Variants in DOK6 observed in about 807,000 individuals in gnomAD.
DOK6 encodes docking protein 6.
A neutral mutation model predicts 44.0 loss-of-function variants in DOK6; 22 were observed. The observed-to-expected ratio is 0.50, with a 90% CI of 0.36 to 0.71. The LOEUF is 0.71. Ranked by LOEUF, DOK6 falls within the 30% of genes least tolerant of loss-of-function variation. DOK6 has a pLI of 0.00. For missense variants in DOK6, 340 were observed against 416.4 expected, an observed-to-expected ratio of 0.82 and a Z score of 1.60; for synonymous variants, 166 against 145.5, an observed-to-expected ratio of 1.14 and a Z score of -1.01.
At chr18:69,543,815 CA>C (rs1982330683) in intron 1 of DOK6, among the ~76,000 whole-genome samples, 1 of 151,048 alleles carries the variant, frequency 6.6e-6, no homozygotes, top group African/African-American at 2.4e-5. Flanking sequence ...CAACAAAGAA[CA>C]AATGATAAGG....
intron 6 of DOK6, among the ~76,000 whole-genome samples, chr18:69,742,737 A>C (rs987805227): frequency 6.6e-6 from 1 of 152,242 alleles, no homozygotes; most frequent in East Asian, 1.9e-4. Flanking sequence ...TGTGGGATCA[A>C]ATAATTTGTA....
chr18:69,636,931 T>C (rs2144651060), intron 3 of DOK6, among the ~76,000 whole-genome samples: 1 of 152,298 alleles, frequency 6.6e-6, no homozygotes, highest in South Asian at 2.1e-4. Flanking sequence ...GTAAATGAGG[T>C]GAGTTGACTT....
At chr18:69,513,023 AT>A (rs1380445029) in intron 1 of DOK6, among the ~76,000 whole-genome samples, 1 of 152,182 alleles carries the variant, frequency 6.6e-6, no homozygotes, top group Non-Finnish European at 1.5e-5. Context: ...CAATTAGCTG[AT>A]TTTATTAAAT....
intron 2 of DOK6, among the ~76,000 whole-genome samples, chr18:69,578,104 A>G (rs941717874): frequency 8.5e-5 from 13 of 152,218 alleles, no homozygotes; most frequent in Admixed American, 7.2e-4. Context: ...AAAAAGAAAA[A>G]TACCTGTATC....
chr18:69,689,959 G>A (rs919128641), intron 4 of DOK6, among the ~76,000 whole-genome samples: 1 of 151,978 alleles, frequency 6.6e-6, no homozygotes, highest in African/African-American at 2.4e-5. Flanking sequence ...GAATATATAG[G>A]TTAAATACTT....
chr18:69,659,593 T>C (rs1414815842), intron 3 of DOK6, among the ~76,000 whole-genome samples: 1 of 152,064 alleles, frequency 6.6e-6, no homozygotes, highest in Non-Finnish European at 1.5e-5. Context: ...GGTCGTTAAA[T>C]GCAGTAACTG....
intron 7 of DOK6, among the ~76,000 whole-genome samples, chr18:69,822,976 C>G (rs568198694): frequency 1.8e-4 from 28 of 152,180 alleles, no homozygotes; most frequent in African/African-American, 6.7e-4. Flanking sequence ...ATTGTCATTT[C>G]CCCATGTCAG....
intron 3 of DOK6, among the ~76,000 whole-genome samples, chr18:69,646,428 A>G (rs2144658569): frequency 6.6e-6 from 1 of 152,256 alleles, no homozygotes; most frequent in African/African-American, 2.4e-5. Flanking sequence ...TATTTTAGGG[A>G]AAAAAATTAC....
chr18:69,434,728 T>C (rs947955684), intron 1 of DOK6, among the ~76,000 whole-genome samples: 43 of 146,004 alleles, frequency 2.9e-4, no homozygotes, highest in Non-Finnish European at 5.3e-4. Context: ...TCGAGACCAT[T>C]CTGGCCGACA....
At chr18:69,821,992 T>C (rs1392227018) in intron 7 of DOK6, among the ~76,000 whole-genome samples, 1 of 152,098 alleles carries the variant, frequency 6.6e-6, no homozygotes, top group African/African-American at 2.4e-5. Flanking sequence ...AATTTTCTTT[T>C]CTCTAGTGAA....
chr18:69,605,586 GGTA>G (rs1401023069), intron 3 of DOK6, among the ~76,000 whole-genome samples: 2 of 151,880 alleles, frequency 1.3e-5, no homozygotes. Context: ...AACAATAAAA[GGTA>G]GTATAATTTT....
chr18:69,475,279 A>C (rs1599148560), intron 1 of DOK6, among the ~76,000 whole-genome samples: 1 of 152,200 alleles, frequency 6.6e-6, no homozygotes, highest in African/African-American at 2.4e-5. Context: ...AAAAGTATTG[A>C]TCTTATCAGG....
intron 7 of DOK6, among the ~76,000 whole-genome samples, chr18:69,788,908 G>T (rs7505462): frequency 0.19 from 29,053 of 152,000 alleles, 3,618 homozygotes; most frequent in African/African-American, 0.35. Flanking sequence ...AATAACCAAA[G>T]AACAGAAATA....
intron 1 of DOK6, among the ~76,000 whole-genome samples, chr18:69,524,515 G>A (rs1981774990): frequency 6.6e-6 from 1 of 151,960 alleles, no homozygotes; most frequent in Non-Finnish European, 1.5e-5. Flanking sequence ...ACAATAGCAT[G>A]TAGTGACTTT....
intron 1 of DOK6, among the ~76,000 whole-genome samples, chr18:69,502,876 A>G (rs1302334751): frequency 1.3e-5 from 2 of 152,110 alleles, no homozygotes; most frequent in African/African-American, 4.8e-5. Flanking sequence ...GATACTCTTA[A>G]TAGGATAAGG....
intron 3 of DOK6, among the ~76,000 whole-genome samples, chr18:69,609,500 A>AATAC (rs1555716756): frequency 6.6e-6 from 1 of 151,676 alleles, no homozygotes; most frequent in Non-Finnish European, 1.5e-5. Context: ...TAAATAAATA[A>AATAC]ATAAATAAAT....
chr18:69,774,714 G>T (rs566672187), intron 7 of DOK6, among the ~76,000 whole-genome samples: 1 of 151,996 alleles, frequency 6.6e-6, no homozygotes, highest in East Asian at 1.9e-4. Flanking sequence ...AATATCTTTA[G>T]ACATACAGAA....
At chr18:69,531,953 G>C (rs1381341147) in intron 1 of DOK6, among the ~76,000 whole-genome samples, 2 of 152,006 alleles carry the variant, frequency 1.3e-5, no homozygotes, top group Non-Finnish European at 2.9e-5. Flanking sequence ...ATTTAGATGA[G>C]GTCACGAGGG....
chr18:69,466,616 ATTTTACATATTTTTGTCTTTGAAAAAT>A (rs1184685114), intron 1 of DOK6, among the ~76,000 whole-genome samples: 1 of 152,068 alleles, frequency 6.6e-6, no homozygotes, highest in Middle Eastern at 3.2e-3. Context: ...TTACTATAAA[ATTTTACATATTTTTGTCTTTGAAAAAT>A]TTTTCAAAAA....
Sources: gnomAD v4.1 joint callset for allele counts (sites outside exome capture counted in the v4.1 genomes callset) on GRCh38, gnomAD v4.1.1 for gene constraint, MANE v1.5 for transcripts, NCBI Gene and HGNC (gene_info 2026-07-23, HGNC 2026-07-21) for gene names.